CPQ: variants seen among roughly 807,000 people sequenced by gnomAD.
CPQ encodes the protein Ser-Met dipeptidase.
CPQ carries 37 observed loss-of-function variants against 45.7 expected under a neutral mutation model. The observed-to-expected ratio is 0.81, with a 90% CI of 0.62 to 1.07. The LOEUF is 1.07. Among genes scored for constraint, CPQ ranks in the 50% least tolerant of loss-of-function variants. CPQ has a pLI of 0.00. For missense variants in CPQ, 537 were observed against 572.9 expected, an observed-to-expected ratio of 0.94 and a Z score of 0.64; for synonymous variants, 186 against 205.8, an observed-to-expected ratio of 0.90 and a Z score of 0.82.
intron 5 of CPQ, among the ~76,000 whole-genome samples, chr8:96,977,974 TA>T (rs879691858): frequency 2.0e-5 from 3 of 152,124 alleles, no homozygotes; most frequent in Admixed American, 6.6e-5. Flanking sequence ...CCTATTGAAA[TA>T]AAAAAAAATT....
rs192593982 is a variant in CPQ, at chr8:96,860,413, G to A, written c.642-19385G>A. On this transcript the variant is annotated intron_variant, in intron 3 of 7. Coordinates refer to ENST00000220763, the MANE Select transcript of CPQ (RefSeq NM_016134.4). ...TGAGGTTCGCTTTTTATTTATATTGGCAATTTTCCCATGTGCTTATAAAAA... is the reference window on the plus strand; with the variant it reads ...TGAGGTTCGCTTTTTATTTATATTGACAATTTTCCCATGTGCTTATAAAAA... 2.1e-3 allele frequency among the ~76,000 whole-genome samples: 327 copies of A among 152,194 alleles called. 3 individuals are homozygous for A. The highest frequency in any genetic ancestry group is 0.017 in the South Asian group (81 of 4,814).
At chr8:96,877,056 A>G (rs1048360340) in intron 3 of CPQ, among the ~76,000 whole-genome samples, 32 of 152,156 alleles carry the variant, frequency 2.1e-4, no homozygotes, top group Admixed American at 2.0e-3. Flanking sequence ...TTGGTAGTTT[A>G]CCCTTTGCTT....
chr8:96,960,510 CTTTA>C (rs1166950216), intron 4 of CPQ, among the ~76,000 whole-genome samples: 2 of 152,090 alleles, frequency 1.3e-5, no homozygotes, highest in Admixed American at 6.6e-5. Flanking sequence ...ATATGGAAGA[CTTTA>C]TTTATCTATG....
At chr8:96,720,705 C>T (rs189176269) in intron 1 of CPQ, among the ~76,000 whole-genome samples, 305 of 152,034 alleles carry the variant, frequency 2.0e-3, no homozygotes, top group Non-Finnish European at 3.3e-3. Context: ...GTTTTGCTCC[C>T]CCCTCCTCCA....
At chr8:96,995,809 G>A (rs533370588) in intron 5 of CPQ, among the ~76,000 whole-genome samples, 1 of 151,910 alleles carries the variant, frequency 6.6e-6, no homozygotes, top group Admixed American at 6.6e-5. Context: ...TTGTATTTCT[G>A]GATCCTCTCC....
chr8:96,774,036 C>T (rs962389280), intron 1 of CPQ, among the ~76,000 whole-genome samples: 25 of 152,140 alleles, frequency 1.6e-4, no homozygotes, highest in Middle Eastern at 3.4e-3. Flanking sequence ...TTTGGGAGGC[C>T]GAGGTGGGCA....
rs1047255247 is a variant in CPQ at position 97,076,915 on chromosome 8, G to T, written c.1255+10705G>T. Among the ~76,000 whole-genome samples, 7 of 152,102 alleles carry T rather than the reference G, an allele frequency of 4.6e-5. No individual in the cohort carries two copies. In the East Asian group the frequency reaches 1.3e-3, roughly 29 times the overall value. ...TCCCCAAAAACTTAACTACTAATGA[G>T]CTACTGTTGATCAGAAGTCTTTATG... is the stretch of plus-strand genomic sequence containing the variant. On this transcript the variant is annotated intron_variant, in intron 7 of 7. Coordinates refer to ENST00000220763, the MANE Select transcript of CPQ (RefSeq NM_016134.4).
intron 1 of CPQ, among the ~76,000 whole-genome samples, chr8:96,728,546 T>C (rs1260249484): frequency 1.3e-5 from 2 of 152,204 alleles, no homozygotes; most frequent in African/African-American, 4.8e-5. Flanking sequence ...TTCTAGGCTT[T>C]TGAGCATTTG....
At chr8:96,837,049 T>G (rs1355843918) in intron 3 of CPQ, among the ~76,000 whole-genome samples, 1 of 152,220 alleles carries the variant, frequency 6.6e-6, no homozygotes, top group Non-Finnish European at 1.5e-5. Flanking sequence ...CCCATGTTAC[T>G]TTATTTGCTC....
At chr8:96,950,570 C>T (rs1041105235) in intron 4 of CPQ, among the ~76,000 whole-genome samples, 10 of 152,106 alleles carry the variant, frequency 6.6e-5, no homozygotes, top group African/African-American at 2.4e-4. Context: ...TCAAACTATG[C>T]ACCCTATCTC....
At chr8:96,880,558 T>C (rs1245116679) in intron 4 of CPQ, among the ~76,000 whole-genome samples, 2 of 69,286 alleles carry the variant, frequency 2.9e-5, no homozygotes, top group African/African-American at 1.2e-4. Flanking sequence ...TATATATATA[T>C]ATATATATAT....
At chr8:96,676,433 A>G (rs1809077463) in intron 1 of CPQ, among the ~76,000 whole-genome samples, 1 of 151,860 alleles carries the variant, frequency 6.6e-6, no homozygotes, top group African/African-American at 2.4e-5. Context: ...GACTTATTTC[A>G]CTTAACATAA....
intron 3 of CPQ, among the ~76,000 whole-genome samples, chr8:96,858,341 T>C (rs78879424): frequency 0.039 from 5,996 of 152,296 alleles, 195 homozygotes; most frequent in African/African-American, 0.081. Context: ...AAGACTGGTA[T>C]GTGCATCTGT....
chr8:96,975,056 C>T (rs1813750839), intron 5 of CPQ, among the ~76,000 whole-genome samples: 1 of 151,348 alleles, frequency 6.6e-6, no homozygotes, highest in Non-Finnish European at 1.5e-5. Context: ...ATAAATGAAA[C>T]AAAAGCTGGT....
At chr8:97,038,845 A>G (rs903540116) in intron 6 of CPQ, among the ~76,000 whole-genome samples, 8 of 151,594 alleles carry the variant, frequency 5.3e-5, no homozygotes, top group Non-Finnish European at 1.0e-4. Flanking sequence ...AAAAAAAAAA[A>G]AAAAGAATAA....
At chr8:97,132,267 C>G (rs928657858) in intron 7 of CPQ, among the ~76,000 whole-genome samples, 1 of 152,118 alleles carries the variant, frequency 6.6e-6, no homozygotes, top group South Asian at 2.1e-4. Context: ...TACTGTGAAC[C>G]AGCTGGCCCC....
intron 7 of CPQ, among the ~76,000 whole-genome samples, chr8:97,112,585 C>T (rs528778352): frequency 1.3e-5 from 2 of 152,346 alleles, no homozygotes; most frequent in East Asian, 3.9e-4. Flanking sequence ...ACAGGCCTTT[C>T]TTGTACGTTC....
At chr8:97,078,515 T>C (rs924815894) in intron 7 of CPQ, among the ~76,000 whole-genome samples, 1 of 152,188 alleles carries the variant, frequency 6.6e-6, no homozygotes, top group Non-Finnish European at 1.5e-5. Context: ...ATGTTACATC[T>C]GCATTTTCTT....
chr8:96,685,317 TC>T (rs1212446043), intron 1 of CPQ, among the ~76,000 whole-genome samples: 1 of 152,158 alleles, frequency 6.6e-6, no homozygotes, highest in Non-Finnish European at 1.5e-5. Context: ...TGCTCTGAGA[TC>T]TTTTTTATAA....
Sources: allele counts gnomAD v4.1 joint callset (sites outside exome capture counted in the v4.1 genomes callset), GRCh38; gene constraint gnomAD v4.1.1; transcripts MANE v1.5; gene names NCBI Gene and HGNC (gene_info 2026-07-23, HGNC 2026-07-21).